The following LGI1 variants were observed in gnomAD, a reference collection of about 807,000 sequenced individuals.
LGI1 encodes the protein leucine-rich glioma-inactivated protein 1.
Under a neutral mutation model 57.7 loss-of-function variants are expected in LGI1, and 11 were observed. The observed-to-expected ratio is 0.19, with a 90% CI of 0.12 to 0.32. LGI1 has a LOEUF of 0.32. Among genes scored for constraint, LGI1 ranks in the 10% least tolerant of loss-of-function variants. LGI1 has a pLI of 1.00. For synonymous variants in LGI1, 222 were observed against 241.9 expected (o/e 0.92, Z 0.76); for missense variants, 422 against 661.9 (o/e 0.64, Z 3.98).
rs1589750226 is a variant in LGI1, at chr10:93,762,469, G to A, written c.287+3638G>A. ...ATCTGTCCAGGAAAAAATATCCATG[G>A]CCTCCTTTACCTTTAAAGCAATTGC... is the stretch of plus-strand genomic sequence containing the variant. On this transcript the variant is annotated intron_variant, in intron 2 of 7. Transcript: ENST00000371418. 3 of 152,062 alleles carry A rather than the reference G, an allele frequency of 2.0e-5. No individual in the cohort carries two copies. In the East Asian group the frequency reaches 5.8e-4, roughly 29 times the overall value. The allele number at this position is 152,062 out of a possible 1,614,324, so 9.4% of individuals were successfully genotyped here.
intron 4 of LGI1, among the ~76,000 whole-genome samples, chr10:93,785,227 T>C (rs1309656224): frequency 6.6e-6 from 1 of 152,198 alleles, no homozygotes; most frequent in Non-Finnish European, 1.5e-5. Context: ...TTTTAAAGTG[T>C]TTAGATATTT....
At position 93,793,290 on chromosome 10, in the gene LGI1, T is replaced by G; in HGVS notation, c.778T>G (p.Cys260Gly). ...VVIAQPFTGK[C>G]IFLEWDHVEK... ...CATCGCTCAGCCTTTTACTGGAAAA[T>G]GCATTTTCCTTGAATGGGACCATGT... The change falls in exon 7 of 8, where the codon TGC becomes GGC. Residue 260 changes from cysteine to glycine, a missense_variant. Cys to Gly is a radical substitution (Grantham distance 159). Coordinates refer to ENST00000371418, the MANE Select transcript of LGI1 (RefSeq NM_005097.4). The G allele has an allele frequency of 6.2e-7, 1 of 1,613,888 alleles. No individual in the cohort carries two copies. Among genetic ancestry groups the G allele is most frequent in the Non-Finnish European group, 8.5e-7 (1 of 1,179,808 alleles).
chr10:93,763,161 G>A (rs978236165), intron 2 of LGI1: 4 of 152,328 alleles, frequency 2.6e-5, no homozygotes, highest in Non-Finnish European at 5.9e-5. Flanking sequence ...ACAGCTCTCC[G>A]TGCTTTCATG....
At chr10:93,764,049 G>T (rs1038143898) in intron 2 of LGI1, 1 of 152,148 alleles carries the variant, frequency 6.6e-6, no homozygotes, top group Admixed American at 6.6e-5. Flanking sequence ...GCAACAAAAT[G>T]AAAACAAAAG....
chr10:93,777,361 T>A lies in LGI1; in HGVS notation c.288-18T>A. The A allele has an allele frequency of 6.2e-7, 1 of 1,610,608 alleles. No homozygotes were observed. Among genetic ancestry groups the A allele is most frequent in the Admixed American group, 1.7e-5 (1 of 60,016 alleles). On this transcript the variant is annotated intron_variant, in intron 2 of 7. Coordinates refer to ENST00000371418, the MANE Select transcript of LGI1 (RefSeq NM_005097.4). ...TCTGTCAGTTTCACCATTTTCATTG[T>A]GTACTTTTTCTGGGCAGGTTATTCA...
At chr10:93,789,999 C>A in intron 4 of LGI1, 100 bp from the exon 5 acceptor site, 2 of 1,162,596 alleles carry the variant, frequency 1.7e-6, no homozygotes, top group Non-Finnish European at 2.4e-6. Context: ...TTTTAGTAGG[C>A]TGGAAATGAC....
At chr10:93,778,496 T>C (rs1589762900) in intron 4 of LGI1, among the ~76,000 whole-genome samples, 2 of 152,270 alleles carry the variant, frequency 1.3e-5, no homozygotes, top group East Asian at 3.9e-4. Flanking sequence ...TTTACATCAC[T>C]TTTCATCTAA....
intron 4 of LGI1, chr10:93,778,889 C>G (rs2059820956): frequency 6.6e-6 from 1 of 152,230 alleles, no homozygotes; most frequent in South Asian, 2.1e-4. Context: ...CACTCTGCCT[C>G]CACCAGGCCC....
chr10:93,797,603 C>A lies in LGI1; in HGVS notation c.1474C>A (p.Leu492Ile). The change falls in exon 8 of 8, where the codon CTT (leucine) becomes ATT (isoleucine). Residue 492 changes from leucine to isoleucine, a missense_variant. This residue lies in a region of LGI1 where 301 missense variants were observed against 461.7 expected (regional missense o/e 0.65). Coordinates refer to ENST00000371418, the MANE Select transcript of LGI1 (RefSeq NM_005097.4). This position sits in a 1 kb window ranked among gnomAD's most constrained non-coding sequence, Gnocchi z 6.5. ...AATAAATAATTACCAATATGCAATT[C>A]TTGGAAGTGATTACTCCTTTACTCA... ...LQINNYQYAI[L>I]GSDYSFTQVY... 6.2e-7 allele frequency: 1 copy of A among 1,614,110 alleles called. No homozygotes were observed. The highest frequency in any genetic ancestry group is 1.7e-5 in the Admixed American group (1 of 60,008).
At chr10:93,788,469 A>G (rs1345056796) in intron 4 of LGI1, 1 of 152,218 alleles carries the variant, frequency 6.6e-6, no homozygotes, top group Non-Finnish European at 1.5e-5. Flanking sequence ...TAATCTTATG[A>G]GATAAGGTAT....
chr10:93,768,015 A>G (rs1215568640), intron 2 of LGI1: 2 of 152,224 alleles, frequency 1.3e-5, no homozygotes, highest in African/African-American at 4.8e-5. Flanking sequence ...TGAGACCAGG[A>G]AACTGTATAT....
At chr10:93,776,434 T>C (rs551805705) in intron 2 of LGI1, among the ~76,000 whole-genome samples, 2 of 152,236 alleles carry the variant, frequency 1.3e-5, no homozygotes, top group African/African-American at 4.8e-5. Context: ...AGATGACAAA[T>C]AAATTACTCA....
chr10:93,781,810 G>A lies in LGI1; in HGVS notation c.431+4193G>A, dbSNP rs542570937. On this transcript the variant is annotated intron_variant, in intron 4 of 7. Transcript: ENST00000371418. Reference sequence around the variant, plus strand: ...TAATGATTGCTTTGTGTGCCATTAAGTGTCACTGTGGCTAAGGCCCAGTGG... The same window carrying A: ...TAATGATTGCTTTGTGTGCCATTAAATGTCACTGTGGCTAAGGCCCAGTGG... 4.6e-5 allele frequency among the ~76,000 whole-genome samples: 7 copies of A among 152,246 alleles called. No homozygotes were observed. The East Asian group carries it at 1.2e-3, about 25-fold the overall frequency.
rs754252796 is a variant in LGI1, at chr10:93,792,869, A to T, written c.630A>T (p.Lys210Asn). The T allele has an allele frequency of 6.2e-7, 1 of 1,614,162 alleles. No individual in the cohort carries two copies. The highest frequency in any genetic ancestry group is 8.5e-7 in the Non-Finnish European group (1 of 1,180,018). Residue 210 changes from lysine to asparagine, a missense_variant, in exon 6 of 8, where the codon AAA becomes AAT. Around this residue, in one of 3 missense-constraint regions of LGI1, gnomAD observed 301 missense variants for 461.7 expected, o/e 0.65. Transcript: ENST00000371418. ...GCCCCCCAGAATACAAGAAGCGCAA[A>T]ATCAATAGTCTCTCCTCGAAGGATT... is the stretch of plus-strand genomic sequence containing the variant. ...CEGPPEYKKR[K>N]INSLSSKDFD...
chr10:93,765,359 T>C (rs2059662960), intron 2 of LGI1: 1 of 152,062 alleles, frequency 6.6e-6, no homozygotes, highest in Non-Finnish European at 1.5e-5. Flanking sequence ...AAGGAAGCAG[T>C]TGAGTATAAG....
At chr10:93,765,870 T>C (rs1266815909) in intron 2 of LGI1, among the ~76,000 whole-genome samples, 1 of 149,256 alleles carries the variant, frequency 6.7e-6, no homozygotes, top group African/African-American at 2.5e-5. Context: ...CTCGGGAGGC[T>C]GAGGCAGGAG....
intron 2 of LGI1, chr10:93,766,671 A>AT (rs1234820193): frequency 2.0e-5 from 3 of 151,078 alleles, no homozygotes; most frequent in Non-Finnish European, 2.9e-5. Context: ...CGCCCGGCTA[A>AT]TTTTTTTGTA....
In LGI1 at chr10:93,767,479, T is replaced by A. The variant is rs1208666172; in HGVS notation, c.287+8648T>A. ...CAAAATTGTTTCACTTTTCTTAACA[T>A]CCCATAGAATATTGGTTCTATGGAA... On this transcript the variant is annotated intron_variant, in intron 2 of 7. Coordinates refer to ENST00000371418, the MANE Select transcript of LGI1 (RefSeq NM_005097.4). 2.6e-5 allele frequency: 4 copies of A among 152,134 alleles called. No individual in the cohort carries two copies. In the East Asian group the frequency reaches 7.7e-4, roughly 29 times the overall value. The allele number at this position is 152,134 out of a possible 1,614,324, so 9.4% of individuals were successfully genotyped here.
intron 5 of LGI1, 70 bp from the exon 6 acceptor site, chr10:93,792,673 T>C: frequency 2.0e-6 from 3 of 1,478,866 alleles, no homozygotes; most frequent in South Asian, 1.1e-5. Flanking sequence ...ATGTTAATTG[T>C]TGATGTAGAA....
Sources: allele counts gnomAD v4.1 joint callset (sites outside exome capture counted in the v4.1 genomes callset), GRCh38; gene constraint gnomAD v4.1.1; regional missense constraint gnomAD v4.1.1; non-coding constraint Gnocchi (gnomAD v3.1); transcripts MANE v1.5; gene names NCBI Gene and HGNC (gene_info 2026-07-23, HGNC 2026-07-21).